The following ANLN variants were observed in gnomAD, a reference collection of about 807,000 sequenced individuals.
The protein encoded by ANLN is anillin, actin binding protein.
Under a neutral mutation model 135.1 loss-of-function variants are expected in ANLN, and 59 were observed. The observed-to-expected ratio is 0.44, with a 90% confidence interval of 0.35 to 0.54. ANLN has a LOEUF of 0.54. Ranked by LOEUF, ANLN falls within the 20% of genes least tolerant of loss-of-function variation. The pLI is 0.00. For synonymous variants in ANLN, 406 were observed against 456.4 expected, an observed-to-expected ratio of 0.89 and a Z score of 1.41; for missense variants, 1,182 against 1,340.0, an observed-to-expected ratio of 0.88 and a Z score of 1.84.
At chr7:36,390,661 G>A (rs1040804096) in intron 1 of ANLN, 1 of 152,868 alleles carries the variant, frequency 6.5e-6, no homozygotes, top group African/African-American at 2.4e-5. Flanking sequence ...AACAATGCAA[G>A]TGTACCGAGC....
Position 36,422,657 on chromosome 7 carries a change from A to G in ANLN, c.2324A>G (p.Asp775Gly), listed in dbSNP as rs1392269787. The G allele has an allele frequency of 2.7e-5, 44 of 1,607,932 alleles. 1 individual carries two copies. The Admixed American group carries it at 7.1e-4, about 26-fold the overall frequency. The change falls in exon 14 of 24, where the codon GAT (aspartate) becomes GGT (glycine). Residue 775 changes from aspartate to glycine, a missense_variant. By Grantham distance (94) the Asp-to-Gly change is moderately conservative. Around this residue, in one of 3 missense-constraint regions of ANLN, gnomAD observed 1,022 missense variants for 1,134.0 expected, o/e 0.90. Transcript: ENST00000265748. The part of the protein sequence containing the change: ...IATGKRTLLI[D>G]ELNKLKNEGP... ...GCTGGGAAGAGAACACTTTTGATTG[A>G]TGAATTGAATAAATTGAAGAACGAA... is the stretch of plus-strand genomic sequence containing the variant.
Position 36,443,861 on chromosome 7 carries a change from A to C in ANLN, c.3077A>C (p.Lys1026Thr), listed in dbSNP as rs767300867. 1 of 1,596,296 alleles carries C rather than the reference A, an allele frequency of 6.3e-7. No homozygotes were observed. Among genetic ancestry groups the C allele is most frequent in the Non-Finnish European group, 8.6e-7 (1 of 1,167,728 alleles). ...ACTTATCCAGATGATGAGAAACGCA[A>C]GGTAATTTATATAGTACTGTTTAGT... ...YWTYPDDEKRKNPIGRINLAN... is the reference protein window; with the variant it reads ...YWTYPDDEKRTNPIGRINLAN... The change falls in exon 22 of 24, where the codon AAG becomes ACG. Residue 1026 changes from lysine (K) to threonine (T), a missense_variant and splice_region_variant. By Grantham distance (78) the Lys-to-Thr change is moderately conservative. Transcript: ENST00000265748.
At chr7:36,415,927 A>G in intron 8 of ANLN, 43 bp downstream of exon 8, 1 of 1,449,248 alleles carries the variant, frequency 6.9e-7, no homozygotes, top group South Asian at 1.4e-5. Context: ...GTAGAAACTC[A>G]AATGATGTTT....
chr7:36,439,253 G>A lies in ANLN; in HGVS notation c.2933G>A (p.Cys978Tyr), dbSNP rs200529515. ...GGTCATATTTATTTAAAAATAAAAT[G>A]TCAAGTGAATTCCAGTGTTGAAGAA... Reference protein sequence around the residue: ...LEGHIYLKIKCQVNSSVEERG... With the variant: ...LEGHIYLKIKYQVNSSVEERG... The change falls in exon 21 of 24, where the codon TGT becomes TAT. Residue 978 changes from cysteine (C) to tyrosine (Y), a missense_variant. This residue lies in a region of ANLN where 82 missense variants were observed against 133.3 expected (regional missense o/e 0.62). Transcript: ENST00000265748. 1.1e-5 allele frequency: 17 copies of A among 1,595,890 alleles called. 1 individual carries two copies. Among genetic ancestry groups the A allele is most frequent in the Admixed American group, 1.7e-5 (1 of 58,494 alleles).
chr7:36,425,224 A>G (rs982009966), intron 17 of ANLN, among the ~76,000 whole-genome samples: 1 of 151,806 alleles, frequency 6.6e-6, no homozygotes, highest in African/African-American at 2.4e-5. Flanking sequence ...CTCAAGTGTA[A>G]TGTTTTCATA....
intron 2 of ANLN, among the ~76,000 whole-genome samples, chr7:36,398,481 G>C (rs991134993): frequency 6.6e-6 from 1 of 152,136 alleles, no homozygotes; most frequent in Non-Finnish European, 1.5e-5. Context: ...CTGAAGATGA[G>C]GTGATTAGGC....
At chr7:36,425,789 T>TA (rs1788056545) in intron 18 of ANLN, 49 bp downstream of exon 18, 1 of 1,558,246 alleles carries the variant, frequency 6.4e-7, no homozygotes, top group East Asian at 2.2e-5. Flanking sequence ...ATCTTCATCT[T>TA]ACCCATACAG....
chr7:36,415,702 A>G (rs1787609482), intron 7 of ANLN, 56 bp from the exon 8 acceptor site: 4 of 1,484,428 alleles, frequency 2.7e-6, no homozygotes, highest in African/African-American at 1.4e-5. Flanking sequence ...ATAACATAGA[A>G]AGATAAAATA....
At chr7:36,440,783 CAG>C (rs967784701) in intron 21 of ANLN, among the ~76,000 whole-genome samples, 12 of 152,086 alleles carry the variant, frequency 7.9e-5, no homozygotes, top group African/African-American at 2.9e-4. Flanking sequence ...TTCTCATTAT[CAG>C]AGGAGGAAAG....
chr7:36,429,365 C>T (rs913241451), intron 20 of ANLN, among the ~76,000 whole-genome samples: 4 of 151,800 alleles, frequency 2.6e-5, no homozygotes, highest in East Asian at 1.9e-4. Context: ...GGATTACAGG[C>T]GTGCACCACC....
chr7:36,426,998 A>C lies in ANLN; in HGVS notation c.2853A>C (p.Ser951=). ...LVGSYTLSLS[S]VGNTKFVLDK... ...GATCTTACACATTATCATTGTCTTC[A>C]GTAGGAAATACTAAGTTTGTTCTGG... Residue 951 remains serine, a synonymous_variant, in exon 20 of 24, where the codon TCA becomes TCC. Coordinates refer to ENST00000265748, the MANE Select transcript of ANLN (RefSeq NM_018685.5). 6.2e-7 allele frequency: 1 copy of C among 1,612,454 alleles called. No homozygotes were observed.
rs1281822027 is a variant in ANLN at position 36,437,783 on chromosome 7, AT to A, written c.2884-1412del. ...TATTTTATTTTATTTTATTTTAAAAATTTTTTTTTGAGAGTTTCACTCTTGC... is the reference window on the plus strand; with the variant it reads ...TATTTTATTTTATTTTATTTTAAAAATTTTTTTTGAGAGTTTCACTCTTGC... On this transcript the variant is annotated intron_variant, in intron 20 of 23. Coordinates refer to ENST00000265748, the MANE Select transcript of ANLN (RefSeq NM_018685.5). Among the ~76,000 whole-genome samples the A allele has an allele frequency of 3.3e-5, 5 of 151,306 alleles. No homozygotes were observed. The East Asian group carries it at 5.8e-4, about 18-fold the overall frequency.
intron 20 of ANLN, among the ~76,000 whole-genome samples, chr7:36,431,595 G>GTGTGTGTGTGTGTA (rs1562812497): frequency 4.7e-5 from 1 of 21,110 alleles, no homozygotes; most frequent in Non-Finnish European, 1.3e-4. Flanking sequence ...GTGTGTGTGT[G>GTGTGTGTGTGTGTA]TGTATATATA....
chr7:36,440,176 A>G (rs1484420422), intron 21 of ANLN, among the ~76,000 whole-genome samples: 1 of 152,242 alleles, frequency 6.6e-6, no homozygotes, highest in African/African-American at 2.4e-5. Context: ...TATCTGCAGC[A>G]TGGGGAAGCC....
chr7:36,444,812 T>G (rs1485474975), intron 22 of ANLN, among the ~76,000 whole-genome samples: 1 of 152,104 alleles, frequency 6.6e-6, no homozygotes, highest in Non-Finnish European at 1.5e-5. Flanking sequence ...ATGCTTTTTA[T>G]AATCTGATTT....
At chr7:36,442,373 C>T (rs756176677) in intron 21 of ANLN, among the ~76,000 whole-genome samples, 1 of 152,192 alleles carries the variant, frequency 6.6e-6, no homozygotes, top group African/African-American at 2.4e-5. Flanking sequence ...CAGCAGCCCT[C>T]ACTGACTGTT....
chr7:36,406,648 G>A, intron 4 of ANLN, 82 bp downstream of exon 4: 3 of 1,193,428 alleles, frequency 2.5e-6, no homozygotes, highest in Non-Finnish European at 3.3e-6. Flanking sequence ...GTATGTGCAG[G>A]TGGATGGGTG....
intron 7 of ANLN, among the ~76,000 whole-genome samples, chr7:36,412,539 G>A (rs2116612906): frequency 6.6e-6 from 1 of 151,940 alleles, no homozygotes; most frequent in Admixed American, 6.5e-5. Context: ...TGTTGGTCAG[G>A]CTGGTCTCGA....
chr7:36,417,281 T>C (rs776806944), intron 9 of ANLN, 91 bp downstream of exon 9: 7 of 721,338 alleles, frequency 9.7e-6, no homozygotes, highest in Non-Finnish European at 1.6e-5. Context: ...TGAGAGTATC[T>C]CTGCTTTTTA....
Sources: allele counts gnomAD v4.1 joint callset (sites outside exome capture counted in the v4.1 genomes callset), GRCh38; gene constraint gnomAD v4.1.1; regional missense constraint gnomAD v4.1.1; transcripts MANE v1.5; gene names NCBI Gene and HGNC (gene_info 2026-07-23, HGNC 2026-07-21).